Variants in PGR observed in about 807,000 individuals in gnomAD.
PGR encodes nuclear receptor subfamily 3 group C member 3.
PGR carries 25 observed loss-of-function variants against 76.1 expected under a neutral mutation model. The ratio of observed to expected loss-of-function variants is 0.33; its 90% CI spans 0.24 to 0.46. PGR has a LOEUF of 0.46. PGR is among the 20% of genes least tolerant of loss of function. The pLI is 1.00. For missense variants in PGR, 1,172 were observed against 1,225.3 expected, an observed-to-expected ratio of 0.96 and a Z score of 0.65; for synonymous variants, 579 against 535.0, an observed-to-expected ratio of 1.08 and a Z score of -1.14.
At chr11:101,086,796 A>C (rs1861515527) in intron 3 of PGR, among the ~76,000 whole-genome samples, 1 of 152,210 alleles carries the variant, frequency 6.6e-6, no homozygotes, top group Non-Finnish European at 1.5e-5. Context: ...TATAGCATTC[A>C]AGGTGAGAGC....
chr11:101,115,505 C>G (rs1862472723), intron 2 of PGR, among the ~76,000 whole-genome samples: 1 of 152,154 alleles, frequency 6.6e-6, no homozygotes, highest in Non-Finnish European at 1.5e-5. Flanking sequence ...GGCGCTGTTG[C>G]TCACGCCTGT....
intron 3 of PGR, among the ~76,000 whole-genome samples, chr11:101,081,371 G>A (rs938081280): frequency 2.0e-5 from 3 of 151,852 alleles, no homozygotes; most frequent in African/African-American, 7.3e-5. Flanking sequence ...GGAGGTTGCA[G>A]TGAGCCAAGA....
In PGR at chr11:101,033,201, G is replaced by GA. The variant is rs1859404015; in HGVS notation, c.*5914dup. 9.6e-6 allele frequency: 2 copies of GA among 209,382 alleles called. No individual in the cohort carries two copies. The highest frequency in any genetic ancestry group is 4.5e-5 in the African/African-American group (2 of 44,028). 13.0% of individuals were successfully genotyped at this position (209,382 alleles called of 1,614,324 possible). On this transcript the variant is annotated 3_prime_UTR_variant, in exon 8 of 8. Coordinates refer to ENST00000325455, the MANE Select transcript of PGR (RefSeq NM_000926.4). ...TGAAGAATTCTAAAGTCTGCCATGT[G>GA]AAAATCTCTTCCTATCCCTAATCAT...
chr11:101,119,616 A>C (rs1862612857), intron 2 of PGR, among the ~76,000 whole-genome samples: 1 of 152,156 alleles, frequency 6.6e-6, no homozygotes, highest in Admixed American at 6.6e-5. Flanking sequence ...CCTGTTATAA[A>C]GGAGTGCTTT....
At chr11:101,118,938 C>A (rs1291863319) in intron 2 of PGR, among the ~76,000 whole-genome samples, 1 of 152,160 alleles carries the variant, frequency 6.6e-6, no homozygotes, top group Non-Finnish European at 1.5e-5. Flanking sequence ...CAGTCCTCAA[C>A]CTTTTTGGTA....
Position 101,033,958 on chromosome 11 carries a change from C to A in PGR, c.*5158G>T. 4.4e-6 allele frequency: 1 copy of A among 226,266 alleles called. No homozygotes were observed. Among genetic ancestry groups the A allele is most frequent in the Non-Finnish European group, 8.8e-6 (1 of 113,726 alleles). 14.0% of individuals were successfully genotyped at this position (226,266 alleles called of 1,614,324 possible). A position where few individuals can be genotyped will look rare whatever the true frequency, so the allele number is the denominator to read the frequency against. On this transcript the variant is annotated 3_prime_UTR_variant, in exon 8 of 8. Coordinates refer to ENST00000325455, the MANE Select transcript of PGR (RefSeq NM_000926.4). ...TAAGCTATAGCATATGTCCTGAAAA[C>A]TATTTACAATACCATTTAAATATTT...
At position 101,071,041 on chromosome 11, in the gene PGR, G is replaced by A. The variant is rs999711858; in HGVS notation, c.1907-8289C>T. On this transcript the variant is annotated intron_variant, in intron 3 of 7. Transcript: ENST00000325455. ...CCTCCTGACTGGGAGATACCTCCCA[G>A]CAGGGGTCGACAGACACCTCACACA... Among the ~76,000 whole-genome samples the A allele has an allele frequency of 7.6e-4, 116 of 152,326 alleles. 1 individual carries two copies. The highest frequency in any genetic ancestry group is 2.5e-4 in the Non-Finnish European group (17 of 68,036).
chr11:101,062,013 T>G (rs1479719974), intron 4 of PGR, among the ~76,000 whole-genome samples: 1 of 152,198 alleles, frequency 6.6e-6, no homozygotes, highest in African/African-American at 2.4e-5. Context: ...TTTGACACCT[T>G]ACTGTACTCT....
chr11:101,129,377 C>T lies in PGR; in HGVS notation c.-307G>A. The stretch of plus-strand genomic sequence containing the variant: ...TCGTCTCCTAACTCGGGGAGTTCTC[C>T]AAGAGAGTTCTCCAACTTCTGTCCG... On this transcript the variant is annotated 5_prime_UTR_variant, in exon 1 of 8. Coordinates refer to ENST00000325455, the MANE Select transcript of PGR (RefSeq NM_000926.4). 2.8e-6 allele frequency: 1 copy of T among 352,886 alleles called. No homozygotes were observed. 21.9% of individuals were successfully genotyped at this position (352,886 alleles called of 1,614,324 possible).
At chr11:101,117,889 T>A (rs1281708738) in intron 2 of PGR, among the ~76,000 whole-genome samples, 1 of 152,178 alleles carries the variant, frequency 6.6e-6, no homozygotes, top group African/African-American at 2.4e-5. Flanking sequence ...TAAATTCTAC[T>A]TTTTAGGATT....
At chr11:101,114,485 A>G (rs958894118) in intron 2 of PGR, among the ~76,000 whole-genome samples, 2 of 149,776 alleles carry the variant, frequency 1.3e-5, no homozygotes, top group African/African-American at 5.1e-5. Context: ...TATAATACAA[A>G]CAATTTGAAA....
chr11:101,092,135 C>T (rs1245536461), intron 2 of PGR, among the ~76,000 whole-genome samples: 2 of 152,152 alleles, frequency 1.3e-5, no homozygotes, highest in African/African-American at 4.8e-5. Context: ...CAAGAGATTT[C>T]TGTTTATCTT....
chr11:101,060,065 G>T (rs115875732), intron 4 of PGR, among the ~76,000 whole-genome samples: 2,556 of 152,158 alleles, frequency 0.017, 66 homozygotes, highest in African/African-American at 0.059. Flanking sequence ...TGTTATGATG[G>T]TCATTCTGCA....
In PGR at chr11:101,129,309, G is replaced by T. The variant is rs1863024859; in HGVS notation, c.-239C>A. 2.0e-6 allele frequency: 1 copy of T among 492,824 alleles called. No homozygotes were observed. The highest frequency in any genetic ancestry group is 1.9e-5 in the African/African-American group (1 of 52,218). The allele number at this position is 492,824 out of a possible 1,614,324, so 30.5% of individuals were successfully genotyped here. A position where few individuals can be genotyped will look rare whatever the true frequency, so the allele number is the denominator to read the frequency against. ...TGGCTGTCGTTTGTCCCAGCGAGCG[G>T]CAAGTGGGGAGCGCAAGAAAAAGTA... On this transcript the variant is annotated 5_prime_UTR_variant, in exon 1 of 8. Transcript: ENST00000325455.
intron 4 of PGR, among the ~76,000 whole-genome samples, chr11:101,054,084 C>T (rs1860202541): frequency 6.6e-6 from 1 of 152,154 alleles, no homozygotes; most frequent in Admixed American, 6.5e-5. Flanking sequence ...ATTTGTGATG[C>T]TTGCTTTTTA....
chr11:101,048,628 G>A (rs933305414), intron 6 of PGR, among the ~76,000 whole-genome samples: 1 of 152,156 alleles, frequency 6.6e-6, no homozygotes, highest in African/African-American at 2.4e-5. Flanking sequence ...TTGCATAGGG[G>A]ACTTAACATG....
At chr11:101,056,498 G>A (rs532853492) in intron 4 of PGR, among the ~76,000 whole-genome samples, 2 of 151,950 alleles carry the variant, frequency 1.3e-5, no homozygotes, top group African/African-American at 4.8e-5. Flanking sequence ...GTGTGGTGGT[G>A]CACACCTGTA....
chr11:101,056,891 C>T (rs563038887), intron 4 of PGR, among the ~76,000 whole-genome samples: 2 of 152,214 alleles, frequency 1.3e-5, no homozygotes, highest in Admixed American at 1.3e-4. Flanking sequence ...GTATAATCAC[C>T]AACGTATGTT....
At chr11:101,052,312 T>C (rs1860121970) in intron 4 of PGR, among the ~76,000 whole-genome samples, 1 of 84,476 alleles carries the variant, frequency 1.2e-5, no homozygotes, top group Admixed American at 1.3e-4. Flanking sequence ...TGTGTGTGTG[T>C]GTGTGTGTAT....
Sources: allele counts gnomAD v4.1 joint callset (sites outside exome capture counted in the v4.1 genomes callset), GRCh38; gene constraint gnomAD v4.1.1; transcripts MANE v1.5; gene names NCBI Gene and HGNC (gene_info 2026-07-23, HGNC 2026-07-21).